The following COL4A2 variants were observed in gnomAD, a reference collection of about 807,000 sequenced individuals.
COL4A2 encodes collagen alpha-2(IV) chain.
COL4A2 carries 99 observed loss-of-function variants against 200.2 expected under a neutral mutation model. That is an observed-to-expected ratio of 0.49 (90% confidence interval 0.42 to 0.58). The LOEUF is 0.58. Among genes scored for constraint, COL4A2 ranks in the 20% least tolerant of loss-of-function variants. The probability of loss-of-function intolerance (pLI) is 0.00; values close to 1 mark genes in which losing one functional copy is unlikely to be tolerated. For synonymous variants in COL4A2, 897 were observed against 900.6 expected (o/e 1.00, Z 0.07); for missense variants, 1,950 against 2,314.1 (o/e 0.84, Z 3.23).
intron 34 of COL4A2, 146 bp downstream of exon 34, chr13:110,485,982 C>A: frequency 7.6e-7 from 1 of 1,312,066 alleles, no homozygotes; most frequent in Non-Finnish European, 1.0e-6. Flanking sequence ...GTCCACACAG[C>A]CCTGGAAGGA....
intron 47 of COL4A2, among the ~76,000 whole-genome samples, chr13:110,509,607 T>C (rs1410729410): frequency 6.6e-6 from 1 of 151,998 alleles, no homozygotes; most frequent in Non-Finnish European, 1.5e-5. Context: ...GTTGTTAAAT[T>C]CAAAATAAAT....
intron 3 of COL4A2, among the ~76,000 whole-genome samples, chr13:110,314,016 G>A (rs1885066715): frequency 6.6e-6 from 1 of 152,240 alleles, no homozygotes; most frequent in Non-Finnish European, 1.5e-5. Context: ...CCTTTGAAGT[G>A]CAGCCTGGTA....
At chr13:110,438,730 C>G (rs1366390321) in intron 15 of COL4A2, 62 bp downstream of exon 15, 1 of 1,606,714 alleles carries the variant, frequency 6.2e-7, no homozygotes, top group Non-Finnish European at 8.5e-7. Context: ...AGTAGGCTTT[C>G]CTTTTTAGAG....
intron 3 of COL4A2, among the ~76,000 whole-genome samples, chr13:110,342,608 C>T (rs985695426): frequency 2.0e-5 from 3 of 152,170 alleles, no homozygotes; most frequent in Non-Finnish European, 4.4e-5. Flanking sequence ...AACGGCAACC[C>T]CAGGAGGCAG....
At position 110,485,733 on chromosome 13, in the gene COL4A2, T is replaced by C; in HGVS notation, c.3104T>C (p.Val1035Ala). The C allele has an allele frequency of 6.2e-7, 1 of 1,613,224 alleles. No homozygotes were observed. Among genetic ancestry groups the C allele is most frequent in the African/African-American group, 1.3e-5 (1 of 74,804 alleles). ...GGGAGGCCCGGCCACATCAAAGGAGTCAAGGGAGACATCGGAGTCCCCGGC... is the reference window on the plus strand; with the variant it reads ...GGGAGGCCCGGCCACATCAAAGGAGCCAAGGGAGACATCGGAGTCCCCGGC... ...LPGRPGHIKG[V>A]KGDIGVPGIP... is the part of the protein sequence containing the mutation. Residue 1035 changes from valine (V) to alanine (A), a missense_variant, in exon 34 of 48, where the codon GTC (valine) becomes GCC (alanine). Physicochemically the swap from Val to Ala is moderately conservative, Grantham distance 64 (BLOSUM62 0). Transcript: ENST00000360467.
At chr13:110,425,374 A>G (rs1880433559) in intron 6 of COL4A2, among the ~76,000 whole-genome samples, 1 of 152,236 alleles carries the variant, frequency 6.6e-6, no homozygotes, top group African/African-American at 2.4e-5. Flanking sequence ...AGCCCTGCTG[A>G]GCATTTGTGC....
intron 18 of COL4A2, among the ~76,000 whole-genome samples, chr13:110,447,604 C>T (rs1881376663): frequency 6.6e-6 from 1 of 152,076 alleles, no homozygotes; most frequent in Non-Finnish European, 1.5e-5. Context: ...GATAATCGTG[C>T]GTATATATCT....
At chr13:110,487,194 A>G (rs926440419) in intron 34 of COL4A2, among the ~76,000 whole-genome samples, 3 of 152,254 alleles carry the variant, frequency 2.0e-5, no homozygotes, top group Non-Finnish European at 4.4e-5. Flanking sequence ...GCTCTTGCCT[A>G]TAATCCCAGC....
intron 29 of COL4A2, among the ~76,000 whole-genome samples, chr13:110,474,679 A>ATG: frequency 7.2e-6 from 1 of 138,130 alleles, no homozygotes; most frequent in South Asian, 2.4e-4. Flanking sequence ...CACTCCTTAC[A>ATG]CACGTACCCA....
chr13:110,370,216 A>G (rs918131465), intron 4 of COL4A2, among the ~76,000 whole-genome samples: 3 of 151,284 alleles, frequency 2.0e-5, no homozygotes, highest in Non-Finnish European at 2.9e-5. Context: ...AAAAAAGAAA[A>G]AAAAAACAAG....
intron 3 of COL4A2, among the ~76,000 whole-genome samples, chr13:110,346,411 G>A (rs1472755015): frequency 6.6e-6 from 1 of 152,230 alleles, no homozygotes; most frequent in African/African-American, 2.4e-5. Flanking sequence ...AAGGAGCAGT[G>A]TCTATGGCAG....
chr13:110,482,502 CT>C lies in COL4A2; in HGVS notation c.2759-10del. 1 of 1,612,748 alleles carries C rather than the reference CT, an allele frequency of 6.2e-7. No homozygotes were observed. On this transcript the variant is annotated splice_polypyrimidine_tract_variant and intron_variant, in intron 31 of 47. Transcript: ENST00000360467. ...TTCATGTCTAACCCAGCACTTTTCT[CT>C]TTTCCTCTGAAGGAGATAGAGGCTC...
chr13:110,500,158 T>G (rs1257599850), intron 40 of COL4A2, among the ~76,000 whole-genome samples: 1 of 152,232 alleles, frequency 6.6e-6, no homozygotes, highest in Non-Finnish European at 1.5e-5. Flanking sequence ...AGGGAAAATC[T>G]CTTCCTGCTG....
intron 3 of COL4A2, among the ~76,000 whole-genome samples, chr13:110,344,180 G>T (rs1876597860): frequency 6.6e-6 from 1 of 152,134 alleles, no homozygotes; most frequent in African/African-American, 2.4e-5. Context: ...CACTGCATGT[G>T]TACCTATGAG....
intron 4 of COL4A2, among the ~76,000 whole-genome samples, chr13:110,389,898 T>A (rs7999552): frequency 0.047 from 7,121 of 152,100 alleles, 419 homozygotes; most frequent in African/African-American, 0.14. Flanking sequence ...TTTTTAAAAC[T>A]ACCCTACTTC....
intron 47 of COL4A2, among the ~76,000 whole-genome samples, chr13:110,510,466 G>A (rs778499764): frequency 6.6e-6 from 1 of 151,736 alleles, no homozygotes. Context: ...TCAGCCTCTC[G>A]TCCAGGCAAT....
intron 3 of COL4A2, among the ~76,000 whole-genome samples, chr13:110,324,718 G>T (rs1364893586): frequency 1.3e-5 from 2 of 152,190 alleles, no homozygotes; most frequent in Admixed American, 1.3e-4. Flanking sequence ...CCTCTGGAGG[G>T]CTCTTCTGGC....
intron 47 of COL4A2, among the ~76,000 whole-genome samples, chr13:110,510,240 T>C (rs1378170314): frequency 6.6e-6 from 1 of 152,216 alleles, no homozygotes; most frequent in East Asian, 1.9e-4. Flanking sequence ...ATGCATTTTC[T>C]GCATTCCCTA....
chr13:110,501,065 C>T (rs924523479), intron 40 of COL4A2, among the ~76,000 whole-genome samples: 1 of 152,142 alleles, frequency 6.6e-6, no homozygotes, highest in Non-Finnish European at 1.5e-5. Flanking sequence ...AGCTGGGACT[C>T]ATTTTGCCTC....
Sources: gnomAD v4.1 joint callset for allele counts (sites outside exome capture counted in the v4.1 genomes callset) on GRCh38, gnomAD v4.1.1 for gene constraint, MANE v1.5 for transcripts, NCBI Gene and HGNC (gene_info 2026-07-23, HGNC 2026-07-21) for gene names.